Variants in IL1RAPL1 observed in about 807,000 individuals in gnomAD.
IL1RAPL1 encodes the protein interleukin-1 receptor accessory protein-like 1.
A neutral mutation model predicts 48.4 loss-of-function variants in IL1RAPL1; 3 were observed. That is an observed-to-expected ratio of 0.06 (90% CI 0.03 to 0.16). IL1RAPL1 has a LOEUF of 0.16. Ranked by LOEUF, IL1RAPL1 falls within the 10% of genes least tolerant of loss-of-function variation. The pLI, the probability that IL1RAPL1 is intolerant of heterozygous loss-of-function variation, is 1.00. For missense variants in IL1RAPL1, 349 were observed against 530.6 expected (o/e 0.66, Z 3.36); for synonymous variants, 185 against 187.7 (o/e 0.99, Z 0.12).
intron 6 of IL1RAPL1, among the ~76,000 whole-genome samples, chrX:29,863,435 G>A (rs1931630990): frequency 9.0e-6 from 1 of 111,324 alleles, no homozygotes; most frequent in South Asian, 3.8e-4. Context: ...GGAGTAAATT[G>A]CAAATCCCCT....
intron 5 of IL1RAPL1, among the ~76,000 whole-genome samples, chrX:29,441,179 G>C (rs1451430323): frequency 1.8e-5 from 2 of 111,113 alleles, no homozygotes; most frequent in African/African-American, 3.3e-5. Context: ...ATGTTCACTG[G>C]AATATGTCCA....
intron 2 of IL1RAPL1, among the ~76,000 whole-genome samples, chrX:29,044,492 T>TA (rs1210895596): frequency 1.1e-4 from 12 of 110,634 alleles, no homozygotes; most frequent in Non-Finnish European, 2.1e-4. Flanking sequence ...ATTATAAGGT[T>TA]AAAAAAAACA....
rs776061629 is a variant in IL1RAPL1, at chrX:29,753,012, A to G, written c.778+84508A>G. Among the ~76,000 whole-genome samples the G allele has an allele frequency of 8.0e-5, 9 of 111,893 alleles. No homozygotes were observed. In the Admixed American group the frequency reaches 8.6e-4, roughly 11 times the overall value. On this transcript the variant is annotated intron_variant, in intron 6 of 10. Coordinates refer to ENST00000378993, the MANE Select transcript of IL1RAPL1 (RefSeq NM_014271.4). Reference sequence around the variant, plus strand: ...AATGAGACTCCATAAAGAGAGAGATACCTAGTCTAAATCAAAGTGTGTGCG... The same window carrying G: ...AATGAGACTCCATAAAGAGAGAGATGCCTAGTCTAAATCAAAGTGTGTGCG...
intron 2 of IL1RAPL1, among the ~76,000 whole-genome samples, chrX:29,175,732 G>A (rs1930001497): frequency 9.5e-6 from 1 of 105,333 alleles, no homozygotes; most frequent in Admixed American, 1.1e-4. Context: ...TGTAATCCCA[G>A]CTACTCGTGA....
At chrX:28,954,603 T>A (rs1257445863) in intron 2 of IL1RAPL1, among the ~76,000 whole-genome samples, 1 of 110,947 alleles carries the variant, frequency 9.0e-6, no homozygotes, top group Non-Finnish European at 1.9e-5. Context: ...ATTTCTAAAT[T>A]TTTTTCTATC....
chrX:29,010,719 G>A (rs1926104328), intron 2 of IL1RAPL1, among the ~76,000 whole-genome samples: 1 of 110,320 alleles, frequency 9.1e-6, no homozygotes, highest in Non-Finnish European at 1.9e-5. Context: ...GGAGGGGAGT[G>A]TCATATTGTA....
At chrX:29,612,962 T>C in intron 5 of IL1RAPL1, among the ~76,000 whole-genome samples, 1 of 112,191 alleles carries the variant, frequency 8.9e-6, no homozygotes, top group South Asian at 3.7e-4. Flanking sequence ...TTTCCTGCCC[T>C]CTGGGAATGC....
At chrX:29,910,173 C>CACTT (rs1411093468) in intron 6 of IL1RAPL1, among the ~76,000 whole-genome samples, 1 of 110,892 alleles carries the variant, frequency 9.0e-6, no homozygotes, top group East Asian at 2.8e-4. Context: ...CACATGTTCT[C>CACTT]ACTTATAAGT....
intron 6 of IL1RAPL1, among the ~76,000 whole-genome samples, chrX:29,681,631 C>T (rs983560295): frequency 2.7e-5 from 3 of 111,843 alleles, no homozygotes; most frequent in Non-Finnish European, 5.6e-5. Context: ...TATGTTTGTT[C>T]CTAAGGTCCT....
intron 3 of IL1RAPL1, among the ~76,000 whole-genome samples, chrX:29,349,985 G>A (rs1933201304): frequency 9.4e-6 from 1 of 106,489 alleles, no homozygotes; most frequent in Admixed American, 1.0e-4. Context: ...AAATTAATAG[G>A]GTTTCACCAT....
chrX:29,754,536 GA>G (rs1928565447), intron 6 of IL1RAPL1, among the ~76,000 whole-genome samples: 2 of 111,853 alleles, frequency 1.8e-5, no homozygotes, highest in African/African-American at 6.5e-5. Flanking sequence ...TTAATACACA[GA>G]AACGATTAGC....
chrX:29,577,511 C>G (rs929351914), intron 5 of IL1RAPL1, among the ~76,000 whole-genome samples: 1 of 111,632 alleles, frequency 9.0e-6, no homozygotes, highest in East Asian at 2.8e-4. Flanking sequence ...ACTTCCCTTT[C>G]GCTCAGTACC....
chrX:29,205,347 G>C (rs1385070870), intron 2 of IL1RAPL1, among the ~76,000 whole-genome samples: 1 of 112,121 alleles, frequency 8.9e-6, no homozygotes, highest in Admixed American at 9.5e-5. Flanking sequence ...AAAGAAACAA[G>C]TTGTGAATTT....
intron 6 of IL1RAPL1, among the ~76,000 whole-genome samples, chrX:29,775,705 G>C (rs1929179642): frequency 1.8e-5 from 2 of 111,639 alleles, no homozygotes; most frequent in Non-Finnish European, 3.8e-5. Context: ...TAATGTTTGA[G>C]CTGACACCTG....
chrX:29,331,955 A>C (rs1932888272), intron 3 of IL1RAPL1, among the ~76,000 whole-genome samples: 1 of 110,766 alleles, frequency 9.0e-6, no homozygotes, highest in African/African-American at 3.3e-5. Context: ...TATGTAAAGA[A>C]ATTAACATAA....
chrX:29,135,115 A>G (rs1273270004), intron 2 of IL1RAPL1, among the ~76,000 whole-genome samples: 1 of 111,983 alleles, frequency 8.9e-6, no homozygotes, highest in Non-Finnish European at 1.9e-5. Flanking sequence ...TAAAGTTAAG[A>G]TCCAATAATG....
intron 6 of IL1RAPL1, among the ~76,000 whole-genome samples, chrX:29,891,216 C>CA (rs1932270502): frequency 9.3e-6 from 1 of 107,020 alleles, no homozygotes; most frequent in South Asian, 3.8e-4. Flanking sequence ...TTTTTATGAA[C>CA]TATTCAAATC....
At chrX:29,717,168 T>A (rs1459496186) in intron 6 of IL1RAPL1, among the ~76,000 whole-genome samples, 2 of 107,684 alleles carry the variant, frequency 1.9e-5, no homozygotes, top group Non-Finnish European at 3.8e-5. Context: ...AATTTACAAG[T>A]TTTATTTTCC....
rs899660188 is a variant in IL1RAPL1 at position 29,021,162 on chromosome X, G to A, written c.82+231737G>A. On this transcript the variant is annotated intron_variant, in intron 2 of 10. Coordinates refer to ENST00000378993, the MANE Select transcript of IL1RAPL1 (RefSeq NM_014271.4). ...CGGGAGGTGGAGTTTGCAATAAGCC[G>A]AGATGGCGCCACTGCACTCCAGCCT... Among the ~76,000 whole-genome samples the A allele has an allele frequency of 1.0e-4, 10 of 96,870 alleles. No individual in the cohort carries two copies. In the Admixed American group the frequency reaches 1.1e-3, roughly 11 times the overall value. 84.1% of individuals were successfully genotyped at this position (96,870 alleles called of 115,157 possible). A position where few individuals can be genotyped will look rare whatever the true frequency, so the allele number is the denominator to read the frequency against.
Sources: gnomAD v4.1 joint callset for allele counts (sites outside exome capture counted in the v4.1 genomes callset) on GRCh38, gnomAD v4.1.1 for gene constraint, MANE v1.5 for transcripts, NCBI Gene and HGNC (gene_info 2026-07-23, HGNC 2026-07-21) for gene names.